KIAA1217: variants seen among roughly 807,000 people sequenced by gnomAD.
The protein encoded by KIAA1217 is sickle tail protein homolog.
KIAA1217 carries 88 observed loss-of-function variants against 163.9 expected under a neutral mutation model. The ratio of observed to expected loss-of-function variants is 0.54; its 90% CI spans 0.45 to 0.64. The LOEUF (loss-of-function observed/expected upper bound fraction) is 0.64, where lower values mean the gene tolerates loss of function less well. KIAA1217 is among the 30% of genes least tolerant of loss of function. KIAA1217 has a pLI of 0.00. For missense variants in KIAA1217, 2,372 were observed against 2,475.0 expected, an observed-to-expected ratio of 0.96 and a Z score of 0.88; for synonymous variants, 903 against 923.1, an observed-to-expected ratio of 0.98 and a Z score of 0.39.
chr10:24,390,092 C>T (rs1333931155), intron 3 of KIAA1217, among the ~76,000 whole-genome samples: 1 of 152,154 alleles, frequency 6.6e-6, no homozygotes, highest in African/African-American at 2.4e-5. Context: ...TTCTGCAAGC[C>T]ATTTAATAAA....
intron 2 of KIAA1217, among the ~76,000 whole-genome samples, chr10:24,171,968 T>C (rs967850436): frequency 6.6e-6 from 1 of 152,140 alleles, no homozygotes; most frequent in African/African-American, 2.4e-5. Context: ...CACAACATCC[T>C]CTGAGGTTGG....
intron 1 of KIAA1217, among the ~76,000 whole-genome samples, chr10:23,979,913 G>C (rs1327580559): frequency 6.6e-6 from 1 of 151,892 alleles, no homozygotes; most frequent in African/African-American, 2.4e-5. Context: ...CTTCCTGGAA[G>C]ATTTTTTTAA....
chr10:24,271,493 G>A (rs1470139035), intron 2 of KIAA1217, among the ~76,000 whole-genome samples: 1 of 152,172 alleles, frequency 6.6e-6, no homozygotes, highest in Non-Finnish European at 1.5e-5. Context: ...GCTCACACCT[G>A]TAATTCTAGC....
At chr10:23,703,381 C>T (rs893596993) in intron 1 of KIAA1217, among the ~76,000 whole-genome samples, 1 of 152,140 alleles carries the variant, frequency 6.6e-6, no homozygotes, top group Non-Finnish European at 1.5e-5. Context: ...CATGGCGTCC[C>T]ATCTGCAAAT....
chr10:24,523,273 G>C (rs1428435887), intron 12 of KIAA1217, among the ~76,000 whole-genome samples: 4 of 152,100 alleles, frequency 2.6e-5, no homozygotes, highest in Non-Finnish European at 5.9e-5. Context: ...AGTGGGCTAG[G>C]ATTGAGCCAC....
chr10:24,365,537 C>T (rs891150551), intron 2 of KIAA1217, among the ~76,000 whole-genome samples: 1 of 152,088 alleles, frequency 6.6e-6, no homozygotes, highest in Non-Finnish European at 1.5e-5. Context: ...GTTGATGAAG[C>T]CTGTAAACTT....
At chr10:23,884,383 T>G (rs1841083798) in intron 1 of KIAA1217, among the ~76,000 whole-genome samples, 1 of 151,976 alleles carries the variant, frequency 6.6e-6, no homozygotes, top group Non-Finnish European at 1.5e-5. Flanking sequence ...GCAACTTTTC[T>G]TACCCATTCT....
intron 1 of KIAA1217, among the ~76,000 whole-genome samples, chr10:23,972,066 G>C (rs1196710574): frequency 6.6e-6 from 1 of 152,134 alleles, no homozygotes; most frequent in Non-Finnish European, 1.5e-5. Context: ...CTCCCCAAAT[G>C]TATAAAACCA....
At chr10:24,237,335 T>C (rs929394268) in intron 2 of KIAA1217, among the ~76,000 whole-genome samples, 1 of 152,236 alleles carries the variant, frequency 6.6e-6, no homozygotes, top group African/African-American at 2.4e-5. Context: ...ATCATAATAA[T>C]GTCAATGCTG....
intron 2 of KIAA1217, among the ~76,000 whole-genome samples, chr10:24,094,758 T>G (rs1185807023): frequency 1.1e-4 from 16 of 152,298 alleles, no homozygotes; most frequent in Non-Finnish European, 5.9e-5. Flanking sequence ...ACTGCTCTCT[T>G]CAAAGCTGTC....
chr10:23,799,857 T>C (rs563790467), intron 1 of KIAA1217, among the ~76,000 whole-genome samples: 1 of 152,324 alleles, frequency 6.6e-6, no homozygotes, highest in Non-Finnish European at 1.5e-5. Context: ...AAGGAGCTTA[T>C]GTTCAAAAAG....
At chr10:24,397,967 T>C (rs888257187) in intron 3 of KIAA1217, among the ~76,000 whole-genome samples, 1 of 152,088 alleles carries the variant, frequency 6.6e-6, no homozygotes, top group Non-Finnish European at 1.5e-5. Flanking sequence ...AGTTAATCAA[T>C]CTCTGAGCCA....
intron 1 of KIAA1217, among the ~76,000 whole-genome samples, chr10:23,973,597 T>C (rs934823329): frequency 2.6e-5 from 4 of 152,236 alleles, no homozygotes; most frequent in Non-Finnish European, 1.5e-5. Context: ...ATAAAAGACA[T>C]TATTTGCCCA....
At chr10:23,727,997 A>G (rs1588673768) in intron 1 of KIAA1217, among the ~76,000 whole-genome samples, 1 of 152,174 alleles carries the variant, frequency 6.6e-6, no homozygotes, top group African/African-American at 2.4e-5. Flanking sequence ...TTATGGCTGC[A>G]TAGTACTCCA....
chr10:23,963,970 T>A (rs907903171), intron 1 of KIAA1217, among the ~76,000 whole-genome samples: 2 of 151,578 alleles, frequency 1.3e-5, no homozygotes, highest in Non-Finnish European at 2.9e-5. Flanking sequence ...CTTGGCTCAC[T>A]GCAACCTCCG....
At chr10:23,743,835 T>C (rs376341030) in intron 1 of KIAA1217, among the ~76,000 whole-genome samples, 19 of 152,294 alleles carry the variant, frequency 1.2e-4, no homozygotes, top group Admixed American at 4.6e-4. Context: ...ACAACTTTCA[T>C]TGGGCTGATG....
chr10:23,947,863 A>G (rs1443927146), intron 1 of KIAA1217, among the ~76,000 whole-genome samples: 4 of 152,200 alleles, frequency 2.6e-5, no homozygotes, highest in East Asian at 1.9e-4. Context: ...AAACATCTAA[A>G]TAAAGGGAAA....
At chr10:24,520,819 C>G (rs1298300631) in intron 11 of KIAA1217, among the ~76,000 whole-genome samples, 1 of 148,220 alleles carries the variant, frequency 6.7e-6, no homozygotes, top group Non-Finnish European at 1.5e-5. Context: ...GCACTCCAGC[C>G]TGGCAGCCTG....
At chr10:23,742,113 A>G (rs948532462) in intron 1 of KIAA1217, among the ~76,000 whole-genome samples, 3 of 152,208 alleles carry the variant, frequency 2.0e-5, no homozygotes, top group African/African-American at 7.2e-5. Context: ...CCAGGAAGTC[A>G]TCGTAGAGCT....
Sources: allele counts gnomAD v4.1 joint callset (sites outside exome capture counted in the v4.1 genomes callset), GRCh38; gene constraint gnomAD v4.1.1; transcripts MANE v1.5; gene names NCBI Gene and HGNC (gene_info 2026-07-23, HGNC 2026-07-21).